Variants in DCAF6 observed in about 807,000 individuals in gnomAD.
The protein encoded by DCAF6 is DDB1- and CUL4-associated factor 6.
In DCAF6, 54 loss-of-function variants were observed where a neutral mutation model predicts 125.1. The ratio of observed to expected loss-of-function variants is 0.43; its 90% CI spans 0.35 to 0.54. DCAF6 has a LOEUF of 0.54. DCAF6 is among the 20% of genes least tolerant of loss of function. The pLI is 0.01. For missense variants in DCAF6, 934 were observed against 1,161.7 expected, an observed-to-expected ratio of 0.80 and a Z score of 2.85; for synonymous variants, 371 against 390.4, an observed-to-expected ratio of 0.95 and a Z score of 0.58.
chr1:167,877,996 G>A, the DCAF6 span, among the ~76,000 whole-genome samples: 1 of 152,218 alleles, frequency 6.6e-6, no homozygotes, highest in Non-Finnish European at 1.5e-5. Context: ...AAGCTTCAAA[G>A]TGACACCCAT....
intron 17 of DCAF6, among the ~76,000 whole-genome samples, chr1:168,051,495 A>T (rs537622145): frequency 7.9e-5 from 12 of 152,282 alleles, no homozygotes; most frequent in African/African-American, 2.4e-4. Context: ...TAGATCTTTA[A>T]AGTGAACCTC....
the DCAF6 span, among the ~76,000 whole-genome samples, chr1:167,886,762 A>C: frequency 6.6e-6 from 1 of 152,246 alleles, no homozygotes; most frequent in African/African-American, 2.4e-5. Context: ...CAGGCATCCT[A>C]CAGAATGGGA....
intron 21 of DCAF6, among the ~76,000 whole-genome samples, chr1:168,072,400 G>A (rs1330271020): frequency 1.4e-5 from 2 of 143,802 alleles, no homozygotes; most frequent in Non-Finnish European, 3.0e-5. Flanking sequence ...CTCTCACTTA[G>A]TCATTCTTGT....
intron 4 of DCAF6, 53 bp downstream of exon 4, chr1:167,975,068 TTAAG>T (rs1326225120): frequency 1.4e-5 from 17 of 1,233,540 alleles, no homozygotes; most frequent in East Asian, 2.7e-5. Flanking sequence ...ATATTTTTGA[TTAAG>T]TACATACATG....
At chr1:168,038,860 G>C (rs1688156989) in intron 13 of DCAF6, among the ~76,000 whole-genome samples, 1 of 152,048 alleles carries the variant, frequency 6.6e-6, no homozygotes, top group Non-Finnish European at 1.5e-5. Flanking sequence ...CTAGGTAGGT[G>C]TATATGTATG....
At chr1:168,068,588 T>A in intron 21 of DCAF6, 125 bp downstream of exon 21, 1 of 423,828 alleles carries the variant, frequency 2.4e-6, no homozygotes, top group Admixed American at 4.3e-5. Context: ...GCTTAACTTC[T>A]AAACTAGGAT....
intron 16 of DCAF6, among the ~76,000 whole-genome samples, chr1:168,049,412 TGTTG>T (rs1558029083): frequency 1.5e-4 from 16 of 105,550 alleles, no homozygotes; most frequent in African/African-American, 5.7e-4. Flanking sequence ...TCTGCTAATT[TGTTG>T]TTGTTGTTGT....
chr1:167,974,683 T>A (rs538836212), intron 3 of DCAF6, 147 bp from the exon 4 acceptor site: 14 of 542,604 alleles, frequency 2.6e-5, no homozygotes, highest in Middle Eastern at 5.4e-4. Context: ...CTGATTTTTT[T>A]AAATTATAAT....
the DCAF6 span, among the ~76,000 whole-genome samples, chr1:167,926,994 ATTAT>A: frequency 1.6e-4 from 25 of 152,230 alleles, no homozygotes; most frequent in Admixed American, 1.6e-3. Context: ...TGTTAAAATG[ATTAT>A]TTATGCATCT....
At chr1:167,933,702 A>T (rs148852332), upstream of DCAF6, among the ~76,000 whole-genome samples, 868 of 152,346 alleles carry the variant, frequency 5.7e-3, 8 homozygotes, top group Middle Eastern at 0.014. Flanking sequence ...ATAAACTCTT[A>T]AGACAATAAT....
At chr1:167,873,509 C>T in the DCAF6 span, among the ~76,000 whole-genome samples, 3 of 152,236 alleles carry the variant, frequency 2.0e-5, no homozygotes, top group African/African-American at 2.4e-5. Flanking sequence ...TGGGGATGTT[C>T]GTGTCTGACA....
In DCAF6 at chr1:168,023,047, G is replaced by C; in HGVS notation, c.1609G>C (p.Asp537His). Residue 537 changes from aspartate to histidine, a missense_variant and splice_region_variant, in exon 12 of 22, where the codon GAT becomes CAT. This residue lies in a region of DCAF6 where 559 missense variants were observed against 635.5 expected (regional missense o/e 0.88). Coordinates refer to ENST00000367840, the MANE Select transcript of DCAF6 (RefSeq NM_001198956.2). ...ATCCATGTCACTTGACGAGCAACAGGGTGCGTGCAACAGGAGATGCGCTAT... is the reference window on the plus strand; with the variant it reads ...ATCCATGTCACTTGACGAGCAACAGCGTGCGTGCAACAGGAGATGCGCTAT... ...LGSMSLDEQQ[D>H]NNNEKLSPKP... 1 of 1,614,086 alleles carries C rather than the reference G, an allele frequency of 6.2e-7. No individual in the cohort carries two copies. The highest frequency in any genetic ancestry group is 8.5e-7 in the Non-Finnish European group (1 of 1,180,000).
At chr1:167,963,783 T>C (rs1393266671) in intron 2 of DCAF6, among the ~76,000 whole-genome samples, 1 of 152,132 alleles carries the variant, frequency 6.6e-6, no homozygotes, top group Non-Finnish European at 1.5e-5. Context: ...CCTTCCTTAG[T>C]ATTTATTAGT....
At position 167,975,019 on chromosome 1, in the gene DCAF6, T is replaced by C. The variant is rs758857581; in HGVS notation, c.438+4T>C. ...TCATTATGGAACTACTTATGAGGTA[T>C]GGTATTATTATGATTATATGATATA... is the stretch of plus-strand genomic sequence containing the variant. On this transcript the variant is annotated splice_donor_region_variant and intron_variant, in intron 4 of 21. Coordinates refer to ENST00000367840, the MANE Select transcript of DCAF6 (RefSeq NM_001198956.2). 6.4e-7 allele frequency: 1 copy of C among 1,572,114 alleles called. No homozygotes were observed. Among genetic ancestry groups the C allele is most frequent in the Non-Finnish European group, 8.6e-7 (1 of 1,158,944 alleles).
chr1:167,957,844 G>A lies in DCAF6; in HGVS notation c.159+5983G>A, dbSNP rs76570666. Among the ~76,000 whole-genome samples, 286 of 152,176 alleles carry A rather than the reference G, an allele frequency of 1.9e-3. 3 individuals carry two copies. The highest frequency in any genetic ancestry group is 6.5e-3 in the African/African-American group (271 of 41,538). On this transcript the variant is annotated intron_variant, in intron 2 of 21. Transcript: ENST00000367840. ...TAATCATCCTAGTGGATGTGAAGTG[G>A]TAATTTGTTGTGATTTTGGTTTTTA... is the stretch of plus-strand genomic sequence containing the variant.
intron 12 of DCAF6, among the ~76,000 whole-genome samples, chr1:168,036,485 G>A (rs533770459): frequency 2.0e-5 from 3 of 152,216 alleles, no homozygotes; most frequent in South Asian, 2.1e-4. Flanking sequence ...AAACTAGCCC[G>A]AACTCAGTCT....
At chr1:167,911,282 C>G in the DCAF6 span, among the ~76,000 whole-genome samples, 2 of 152,180 alleles carry the variant, frequency 1.3e-5, no homozygotes, top group African/African-American at 4.8e-5. Flanking sequence ...AGTAACTTAT[C>G]TTAAAAGCAA....
intron 4 of DCAF6, among the ~76,000 whole-genome samples, chr1:167,985,225 T>G (rs990012950): frequency 6.6e-6 from 1 of 150,904 alleles, no homozygotes. Context: ...TGTGTGTGTG[T>G]GGTGTGTGTG....
chr1:167,950,442 T>C (rs923732262), intron 1 of DCAF6, among the ~76,000 whole-genome samples: 2 of 152,220 alleles, frequency 1.3e-5, no homozygotes, highest in African/African-American at 4.8e-5. Context: ...TCAGTAAGTT[T>C]AGAAACCATA....
Sources: allele counts gnomAD v4.1 joint callset (sites outside exome capture counted in the v4.1 genomes callset), GRCh38; gene constraint gnomAD v4.1.1; regional missense constraint gnomAD v4.1.1; transcripts MANE v1.5; gene names NCBI Gene and HGNC (gene_info 2026-07-23, HGNC 2026-07-21).